DISP2: variants seen among roughly 807,000 people sequenced by gnomAD.
The protein encoded by DISP2 is dispatched RND transporter family member 2, also known as protein dispatched homolog 2.
DISP2 carries 59 observed loss-of-function variants against 95.5 expected under a neutral mutation model. That is an observed-to-expected ratio of 0.62 (90% CI 0.50 to 0.77). The LOEUF is 0.77. Ranked by LOEUF, DISP2 falls within the 30% of genes least tolerant of loss-of-function variation. The probability of loss-of-function intolerance (pLI) is 0.00; values close to 1 mark genes in which losing one functional copy is unlikely to be tolerated. For missense variants in DISP2, 1,752 were observed against 1,854.6 expected (o/e 0.94, Z 1.02); for synonymous variants, 827 against 815.0 (o/e 1.01, Z -0.25).
rs1889635559 is a variant in DISP2 at position 40,370,967 on chromosome 15, A to T, written c.*649A>T. On this transcript the variant is annotated 3_prime_UTR_variant, in exon 8 of 8. Coordinates refer to ENST00000267889, the MANE Select transcript of DISP2 (RefSeq NM_033510.3). ...GAAGGAGGATGGTCAGCCTTGGAGC[A>T]TCTCTCAATTACGGGACAGTCCCTC... The T allele has an allele frequency of 4.2e-6, 1 of 235,734 alleles. No individual in the cohort carries two copies. The highest frequency in any genetic ancestry group is 5.7e-5 in the South Asian group (1 of 17,558). The allele number at this position is 235,734 out of a possible 1,614,324, so 14.6% of individuals were successfully genotyped here. A position where few individuals can be genotyped will look rare whatever the true frequency, so the allele number is the denominator to read the frequency against.
rs1380375377 is a variant in DISP2, at chr15:40,374,183, T to A, written c.*3865T>A. The A allele has an allele frequency of 6.6e-6, 1 of 150,752 alleles. No homozygotes were observed. Among genetic ancestry groups the A allele is most frequent in the Non-Finnish European group, 1.5e-5 (1 of 67,840 alleles). 9.3% of individuals were successfully genotyped at this position (150,752 alleles called of 1,614,324 possible). A position where few individuals can be genotyped will look rare whatever the true frequency, so the allele number is the denominator to read the frequency against. ...ATATAGCATATCCCATACCATGATA[T>A]GCGGGCAATATTCCAGCTTGAGACA... On this transcript the variant is annotated 3_prime_UTR_variant, in exon 8 of 8. Coordinates refer to ENST00000267889, the MANE Select transcript of DISP2 (RefSeq NM_033510.3).
intron 4 of DISP2, 112 bp from the exon 5 acceptor site, chr15:40,364,726 C>A: frequency 1.4e-6 from 2 of 1,389,332 alleles, no homozygotes; most frequent in Non-Finnish European, 9.8e-7. Flanking sequence ...ACAATTCAGG[C>A]AGGCGGGCTG....
In DISP2 at chr15:40,374,014, A is replaced by AAATATATAT; in HGVS notation, c.*3697_*3698insATATATATA. ...GCGAGACTCCATCTTAAAAAAAAAA[A>AAATATATAT]ATATATATATATATATATGTAAACT... is the stretch of plus-strand genomic sequence containing the variant. On this transcript the variant is annotated 3_prime_UTR_variant, in exon 8 of 8. Coordinates refer to ENST00000267889, the MANE Select transcript of DISP2 (RefSeq NM_033510.3). 7 of 104,194 alleles carry AAATATATAT rather than the reference A, an allele frequency of 6.7e-5. No individual in the cohort carries two copies. The highest frequency in any genetic ancestry group is 2.1e-4 in the African/African-American group (5 of 23,942). 6.5% of individuals were successfully genotyped at this position (104,194 alleles called of 1,614,324 possible). A position where few individuals can be genotyped will look rare whatever the true frequency, so the allele number is the denominator to read the frequency against.
Position 40,370,590 on chromosome 15 carries a change from C to A in DISP2, c.*272C>A. 1.5e-6 allele frequency: 1 copy of A among 660,854 alleles called. No individual in the cohort carries two copies. Among genetic ancestry groups the A allele is most frequent in the Non-Finnish European group, 2.8e-6 (1 of 362,848 alleles). The allele number at this position is 660,854 out of a possible 1,614,324, so 40.9% of individuals were successfully genotyped here. On this transcript the variant is annotated 3_prime_UTR_variant, in exon 8 of 8. Coordinates refer to ENST00000267889, the MANE Select transcript of DISP2 (RefSeq NM_033510.3). ...CTGCTCCCACAGCACCATCTAAGACCCCTCCTCTAGAAGTGGGGAAGGCCA... is the reference window on the plus strand; with the variant it reads ...CTGCTCCCACAGCACCATCTAAGACACCTCCTCTAGAAGTGGGGAAGGCCA...
chr15:40,369,184 C>A lies in DISP2; in HGVS notation c.3072C>A (p.Ala1024=), dbSNP rs1378541773. ...LNTAEALFLS[A]SVGLSVDFTV... ...CTGCCGAGGCCCTGTTTCTCTCTGC[C>A]TCAGTGGGCCTCTCAGTAGACTTCA... The change falls in exon 8 of 8, where the codon GCC becomes GCA. Residue 1024 remains alanine, a synonymous_variant. Coordinates refer to ENST00000267889, the MANE Select transcript of DISP2 (RefSeq NM_033510.3). 1 of 1,613,968 alleles carries A rather than the reference C, an allele frequency of 6.2e-7. No individual in the cohort carries two copies. The highest frequency in any genetic ancestry group is 1.1e-5 in the South Asian group (1 of 91,088).
chr15:40,369,998 G>C lies in DISP2; in HGVS notation c.3886G>C (p.Asp1296His). The C allele has an allele frequency of 6.2e-7, 1 of 1,613,950 alleles. No individual in the cohort carries two copies. Among genetic ancestry groups the C allele is most frequent in the Non-Finnish European group, 8.5e-7 (1 of 1,180,004 alleles). The change falls in exon 8 of 8, where the codon GAT becomes CAT. Residue 1296 changes from aspartate to histidine, a missense_variant. Physicochemically the swap from Asp to His is moderately conservative, Grantham distance 81. Transcript: ENST00000267889. ...CACCCTGGAGGGGCTCAGCGTCTCT[G>C]ATGAGACCTGCCTAAGCACCTCTGA... Reference protein sequence around the residue: ...ASTLEGLSVSDETCLSTSEPS... With the variant: ...ASTLEGLSVSHETCLSTSEPS...
In DISP2 at chr15:40,375,608, A is replaced by G. The variant is rs992079237; in HGVS notation, c.*5290A>G. ...GAAATTTCCTCACCTTCAAGGCACC[A>G]AAGCCACAACTTACCTACCCCCGCT... On this transcript the variant is annotated 3_prime_UTR_variant, in exon 8 of 8. Coordinates refer to ENST00000267889, the MANE Select transcript of DISP2 (RefSeq NM_033510.3). The G allele has an allele frequency of 6.6e-5, 10 of 151,310 alleles. No individual in the cohort carries two copies. The highest frequency in any genetic ancestry group is 8.8e-5 in the Non-Finnish European group (6 of 67,956). 9.4% of individuals were successfully genotyped at this position (151,310 alleles called of 1,614,324 possible). A position where few individuals can be genotyped will look rare whatever the true frequency, so the allele number is the denominator to read the frequency against.
At chr15:40,360,674 C>T (rs1889392491) in intron 1 of DISP2, among the ~76,000 whole-genome samples, 1 of 152,124 alleles carries the variant, frequency 6.6e-6, no homozygotes. Context: ...CAAGAGTGCA[C>T]CCACTCTTCT....
At position 40,358,265 on chromosome 15, in the gene DISP2, C is replaced by CGCT; in HGVS notation, c.-55_-54insTGC. The CGCT allele has an allele frequency of 1.7e-6, 2 of 1,184,656 alleles. No homozygotes were observed. Among genetic ancestry groups the CGCT allele is most frequent in the Non-Finnish European group, 1.0e-6 (1 of 959,194 alleles). 73.4% of individuals were successfully genotyped at this position (1,184,656 alleles called of 1,614,324 possible). A position where few individuals can be genotyped will look rare whatever the true frequency, so the allele number is the denominator to read the frequency against. The stretch of plus-strand genomic sequence containing the variant: ...CCGCTGCCGCCGCCACCGCCGCCGC[C>CGCT]GCCGCCGCCGCCGCGGCTTCAGCAC... On this transcript the variant is annotated 5_prime_UTR_variant, in exon 1 of 8. Coordinates refer to ENST00000267889, the MANE Select transcript of DISP2 (RefSeq NM_033510.3).
At chr15:40,359,648 C>A (rs1032134178) in intron 1 of DISP2, among the ~76,000 whole-genome samples, 3 of 152,260 alleles carry the variant, frequency 2.0e-5, no homozygotes, top group African/African-American at 7.2e-5. Context: ...TGTCCAGTCT[C>A]ATTTCCCCTG....
At chr15:40,365,307 A>G in intron 6 of DISP2, 33 bp downstream of exon 6, 1 of 1,610,320 alleles carries the variant, frequency 6.2e-7, no homozygotes, top group Non-Finnish European at 8.5e-7. Context: ...CCTGGTTTTA[A>G]TAGTGGTCCC....
rs1394543156 is a variant in DISP2 at position 40,371,678 on chromosome 15, T to C, written c.*1360T>C. The stretch of plus-strand genomic sequence containing the variant: ...GAGCGTTAAGCAGACCAAAGGCTGG[T>C]TCCTCCTTCCCAAACTTCCTGGTAG... On this transcript the variant is annotated 3_prime_UTR_variant, in exon 8 of 8. Coordinates refer to ENST00000267889, the MANE Select transcript of DISP2 (RefSeq NM_033510.3). 1 of 152,202 alleles carries C rather than the reference T, an allele frequency of 6.6e-6. No homozygotes were observed. The highest frequency in any genetic ancestry group is 2.4e-5 in the African/African-American group (1 of 41,462). 9.4% of individuals were successfully genotyped at this position (152,202 alleles called of 1,614,324 possible). A position where few individuals can be genotyped will look rare whatever the true frequency, so the allele number is the denominator to read the frequency against.
In DISP2 at chr15:40,365,167, T is replaced by C. The variant is rs1889476009; in HGVS notation, c.740T>C (p.Leu247Pro). Reference protein sequence around the residue: ...ELNSSSSHNTLRPAPRGSAQE... With the variant: ...ELNSSSSHNTPRPAPRGSAQE... ...TTCAGCTCGAGCTCCCACAACACTC[T>C]GAGGCCTGCACCCAGAGGCAGTGCC... Residue 247 changes from leucine to proline, a missense_variant, in exon 6 of 8, where the codon CTG becomes CCG. By Grantham distance (98) the Leu-to-Pro change is moderately conservative. Coordinates refer to ENST00000267889, the MANE Select transcript of DISP2 (RefSeq NM_033510.3). 2 of 1,613,936 alleles carry C rather than the reference T, an allele frequency of 1.2e-6. No homozygotes were observed. Among genetic ancestry groups the C allele is most frequent in the South Asian group, 1.1e-5 (1 of 91,082 alleles).
intron 6 of DISP2, 134 bp from the exon 7 acceptor site, chr15:40,365,494 C>G: frequency 2.4e-6 from 3 of 1,272,322 alleles, no homozygotes; most frequent in Non-Finnish European, 3.4e-6. Flanking sequence ...GGGACAGGAT[C>G]AGGCAGTCCA....
At chr15:40,366,450 C>T (rs1266200486) in intron 7 of DISP2, among the ~76,000 whole-genome samples, 1 of 152,200 alleles carries the variant, frequency 6.6e-6, no homozygotes, top group Non-Finnish European at 1.5e-5. Context: ...ACTGTGTTGC[C>T]ACCATGATCT....
intron 7 of DISP2, among the ~76,000 whole-genome samples, 169 bp from the exon 8 acceptor site, chr15:40,366,887 GGC>G (rs1889504611): frequency 6.6e-6 from 1 of 152,170 alleles, no homozygotes; most frequent in Non-Finnish European, 1.5e-5. Flanking sequence ...CTGGCACCTG[GGC>G]CAGGAGCCAA....
intron 1 of DISP2, among the ~76,000 whole-genome samples, chr15:40,360,325 G>A (rs1245019825): frequency 2.0e-5 from 3 of 152,218 alleles, no homozygotes; most frequent in African/African-American, 7.2e-5. Context: ...TGAGATCAGA[G>A]GGCAGCAGGA....
At chr15:40,364,164 C>G (rs1889455227) in intron 2 of DISP2, 62 bp from the exon 3 acceptor site, 1 of 1,611,534 alleles carries the variant, frequency 6.2e-7, no homozygotes, top group Admixed American at 1.7e-5. Flanking sequence ...CACCTCCACC[C>G]CCAACACACG....
At chr15:40,362,245 G>C (rs1330465628) in intron 1 of DISP2, among the ~76,000 whole-genome samples, 1 of 152,200 alleles carries the variant, frequency 6.6e-6, no homozygotes, top group Non-Finnish European at 1.5e-5. Flanking sequence ...GTGGAGGGAT[G>C]GCAGTTGCTT....
Sources: allele counts gnomAD v4.1 joint callset (sites outside exome capture counted in the v4.1 genomes callset), GRCh38; gene constraint gnomAD v4.1.1; transcripts MANE v1.5; gene names NCBI Gene and HGNC (gene_info 2026-07-23, HGNC 2026-07-21).